Variants in KIF6 observed in about 807,000 individuals in gnomAD.
The protein encoded by KIF6 is kinesin-like protein KIF6.
A neutral mutation model predicts 112.7 loss-of-function variants in KIF6; 106 were observed. The observed-to-expected ratio is 0.94, with a 90% confidence interval of 0.80 to 1.11. The LOEUF is 1.11. Ranked by LOEUF, KIF6 falls within the 50% of genes least tolerant of loss-of-function variation. The pLI, the probability that KIF6 is intolerant of heterozygous loss-of-function variation, is 0.00. For synonymous variants in KIF6, 339 were observed against 339.9 expected (o/e 1.00, Z 0.03); for missense variants, 929 against 964.0 (o/e 0.96, Z 0.48).
At chr6:39,642,487 C>A (rs1201600483) in intron 3 of KIF6, among the ~76,000 whole-genome samples, 1 of 152,064 alleles carries the variant, frequency 6.6e-6, no homozygotes, top group Non-Finnish European at 1.5e-5. Context: ...CAAAATGCCC[C>A]ATCCTCAAAG....
intron 15 of KIF6, among the ~76,000 whole-genome samples, chr6:39,397,801 G>C (rs1347639958): frequency 6.6e-6 from 1 of 152,138 alleles, no homozygotes; most frequent in Non-Finnish European, 1.5e-5. Context: ...GAGTGAGCAG[G>C]GGGAGCGGGA....
intron 13 of KIF6, among the ~76,000 whole-genome samples, chr6:39,464,695 T>C (rs1392136451): frequency 2.6e-5 from 4 of 152,114 alleles, no homozygotes; most frequent in Non-Finnish European, 4.4e-5. Flanking sequence ...GGAATGCTCA[T>C]AAGCACCACT....
intron 10 of KIF6, among the ~76,000 whole-genome samples, chr6:39,550,259 C>T (rs995803188): frequency 2.6e-5 from 4 of 152,022 alleles, no homozygotes; most frequent in African/African-American, 9.7e-5. Context: ...GGCTAGAAAC[C>T]ATATCTCTAT....
Position 39,360,451 on chromosome 6 carries a change from C to A in KIF6, c.2026G>T (p.Val676Leu), listed in dbSNP as rs1765040604. The change falls in exon 18 of 23, where the codon GTG becomes TTG. Residue 676 changes from valine (V) to leucine (L), a missense_variant. By Grantham distance (32) the Val-to-Leu change is conservative (BLOSUM62 1). Transcript: ENST00000287152. ...HLQLLMDKAK[V>L]KLQKEFEVWW... ...ACTTCAAACTCTTTCTGTAGCTTCA[C>A]CTTGGCTTTGTCCATGAGCAGCTGC... 1 of 1,614,120 alleles carries A rather than the reference C, an allele frequency of 6.2e-7. No individual in the cohort carries two copies. The highest frequency in any genetic ancestry group is 1.3e-5 in the African/African-American group (1 of 74,946).
At chr6:39,534,586 T>C (rs976231188) in intron 13 of KIF6, among the ~76,000 whole-genome samples, 26 of 152,228 alleles carry the variant, frequency 1.7e-4, no homozygotes, top group Non-Finnish European at 3.7e-4. Context: ...CTACGTCTGA[T>C]TGGTGTACCT....
At chr6:39,635,004 T>G (rs1273649115) in intron 4 of KIF6, 46 bp from the exon 5 acceptor site, 1 of 1,040,154 alleles carries the variant, frequency 9.6e-7, no homozygotes, top group African/African-American at 1.6e-5. Flanking sequence ...ATAACAATGA[T>G]TCTGCTTAGA....
chr6:39,635,696 G>A (rs541893699), intron 4 of KIF6, among the ~76,000 whole-genome samples: 1 of 151,990 alleles, frequency 6.6e-6, no homozygotes, highest in African/African-American at 2.4e-5. Flanking sequence ...AAAGGTGCCT[G>A]GTCCTAGTCT....
At chr6:39,669,387 T>A (rs1293250355) in intron 3 of KIF6, among the ~76,000 whole-genome samples, 1 of 152,302 alleles carries the variant, frequency 6.6e-6, no homozygotes. Flanking sequence ...AGCACACACA[T>A]ATGGATTTAT....
intron 9 of KIF6, among the ~76,000 whole-genome samples, chr6:39,579,359 G>A (rs1781160231): frequency 6.6e-6 from 1 of 151,978 alleles, no homozygotes; most frequent in African/African-American, 2.4e-5. Flanking sequence ...ATGTATATTG[G>A]CAGTTTGGGT....
intron 10 of KIF6, among the ~76,000 whole-genome samples, chr6:39,551,577 T>C (rs763615569): frequency 6.3e-4 from 96 of 152,212 alleles, no homozygotes; most frequent in Non-Finnish European, 7.6e-4. Flanking sequence ...TTACACATTA[T>C]ACGTTTGTAT....
chr6:39,370,304 A>T lies in KIF6; in HGVS notation c.1862-7786T>A, dbSNP rs551553152. 2.0e-5 allele frequency among the ~76,000 whole-genome samples: 3 copies of T among 152,314 alleles called. No homozygotes were observed. In the South Asian group the frequency reaches 6.2e-4, roughly 32 times the overall value. On this transcript the variant is annotated intron_variant, in intron 16 of 22. Coordinates refer to ENST00000287152, the MANE Select transcript of KIF6 (RefSeq NM_145027.6). Reference sequence around the variant, plus strand: ...GGGGAGAGCAGTTTTTCTTGCACCTATAAGAGCCAGCACAGGCATTCTTCC... The same window carrying T: ...GGGGAGAGCAGTTTTTCTTGCACCTTTAAGAGCCAGCACAGGCATTCTTCC...
intron 3 of KIF6, among the ~76,000 whole-genome samples, chr6:39,653,486 C>T (rs553156911): frequency 1.3e-5 from 2 of 152,222 alleles, no homozygotes; most frequent in East Asian, 3.9e-4. Flanking sequence ...TGGGGCACAG[C>T]CTCTAGGAAA....
intron 14 of KIF6, among the ~76,000 whole-genome samples, chr6:39,425,038 G>C (rs1311159358): frequency 2.0e-5 from 3 of 152,164 alleles, no homozygotes. Flanking sequence ...TGGGGAAGCA[G>C]CTGGCTCTGC....
At chr6:39,455,408 C>A (rs1773006375) in intron 13 of KIF6, among the ~76,000 whole-genome samples, 1 of 151,626 alleles carries the variant, frequency 6.6e-6, no homozygotes, top group South Asian at 2.1e-4. Flanking sequence ...GATAAAACCA[C>A]AAAGATGGGG....
intron 3 of KIF6, among the ~76,000 whole-genome samples, chr6:39,662,189 A>T (rs1786191008): frequency 6.6e-6 from 1 of 152,220 alleles, no homozygotes; most frequent in South Asian, 2.1e-4. Flanking sequence ...TAAGTGGTGT[A>T]AGTACATTTG....
chr6:39,398,605 A>G (rs974088286), intron 15 of KIF6, among the ~76,000 whole-genome samples: 18 of 152,206 alleles, frequency 1.2e-4, no homozygotes, highest in African/African-American at 4.1e-4. Context: ...ATACACCATT[A>G]TTTTGGGGGA....
chr6:39,353,911 TGA>T (rs78551814), intron 19 of KIF6: 57,408 of 555,928 alleles, frequency 0.1, 4,783 homozygotes, highest in East Asian at 0.22. Flanking sequence ...GAGCTAAGTG[TGA>T]TGCCCAGACC....
chr6:39,480,366 G>A (rs114328724), intron 13 of KIF6, among the ~76,000 whole-genome samples: 9,803 of 152,122 alleles, frequency 0.064, 514 homozygotes, highest in East Asian at 0.25. Context: ...ATTGACTTGC[G>A]CATGTTAAAC....
intron 15 of KIF6, among the ~76,000 whole-genome samples, chr6:39,403,667 G>A (rs1416525409): frequency 6.6e-6 from 1 of 152,192 alleles, no homozygotes; most frequent in Non-Finnish European, 1.5e-5. Context: ...TCTAGGGTAG[G>A]TAGTTGGCTT....
Sources: gnomAD v4.1 joint callset for allele counts (sites outside exome capture counted in the v4.1 genomes callset) on GRCh38, gnomAD v4.1.1 for gene constraint, MANE v1.5 for transcripts, NCBI Gene and HGNC (gene_info 2026-07-23, HGNC 2026-07-21) for gene names.